CLCC1: variants seen among roughly 807,000 people sequenced by gnomAD.
CLCC1 encodes the protein chloride channel CLIC like 1, also known as chloride channel CLIC-like protein 1.
In CLCC1, 39 loss-of-function variants were observed where a neutral mutation model predicts 63.3. That is an observed-to-expected ratio of 0.62 (90% CI 0.48 to 0.81). CLCC1 has a LOEUF of 0.81. CLCC1 is among the 30% of genes least tolerant of loss of function. The probability of loss-of-function intolerance (pLI) is 0.00; values close to 1 mark genes in which losing one functional copy is unlikely to be tolerated. For synonymous variants in CLCC1, 217 were observed against 239.8 expected (o/e 0.90, Z 0.88); for missense variants, 549 against 669.4 (o/e 0.82, Z 1.98).
chr1:108,932,803 T>C (rs1453008315), intron 12 of CLCC1: 1 of 152,244 alleles, frequency 6.6e-6, no homozygotes, highest in African/African-American at 2.4e-5. Context: ...ACATGTCCTC[T>C]GTGTTAAAAA....
chr1:108,955,309 G>A (rs1399088237), intron 2 of CLCC1, among the ~76,000 whole-genome samples: 1 of 151,496 alleles, frequency 6.6e-6, no homozygotes, highest in Non-Finnish European at 1.5e-5. Flanking sequence ...GCAAGACAGT[G>A]GTACATATGG....
chr1:108,930,568 G>A lies in CLCC1; in HGVS notation c.*1979C>T, dbSNP rs779500884. ...AGGCTAGGAGTTCAAGACCAACCTG[G>A]GCAACATAGACCCCCGTGTCTATGA... On this transcript the variant is annotated 3_prime_UTR_variant, in exon 13 of 13. Transcript: ENST00000369969. 1 of 150,350 alleles carries A rather than the reference G, an allele frequency of 6.7e-6. No individual in the cohort carries two copies. Among genetic ancestry groups the A allele is most frequent in the Non-Finnish European group, 1.5e-5 (1 of 67,974 alleles). 9.3% of individuals were successfully genotyped at this position (150,350 alleles called of 1,614,324 possible).
chr1:108,952,836 C>A (rs1338312452), intron 2 of CLCC1, among the ~76,000 whole-genome samples: 1 of 151,442 alleles, frequency 6.6e-6, no homozygotes, highest in Admixed American at 6.6e-5. Context: ...TGGGAATTTA[C>A]GATTCAAATG....
intron 2 of CLCC1, among the ~76,000 whole-genome samples, chr1:108,960,468 A>T (rs1439109949): frequency 1.3e-5 from 2 of 152,240 alleles, no homozygotes; most frequent in Non-Finnish European, 2.9e-5. Context: ...ATGACCTTTC[A>T]GAGAATGACA....
At chr1:108,940,567 C>T (rs528646180) in intron 8 of CLCC1, among the ~76,000 whole-genome samples, 3 of 152,150 alleles carry the variant, frequency 2.0e-5, no homozygotes, top group East Asian at 1.9e-4. Context: ...AAAGGGTACA[C>T]GGGCTCTCTC....
chr1:108,963,457 C>T lies in CLCC1; in HGVS notation c.-269G>A, dbSNP rs1268867640. On this transcript the variant is annotated 5_prime_UTR_variant, in exon 1 of 13. Coordinates refer to ENST00000369969, the MANE Select transcript of CLCC1 (RefSeq NM_001377458.1). ...TGCCGCCGCCCAGGGTTTCAGCGTG[C>T]TTCCTGGGCCTCGTCATCGAATTGT... 1.4e-6 allele frequency: 1 copy of T among 702,208 alleles called. No individual in the cohort carries two copies. Among genetic ancestry groups the T allele is most frequent in the East Asian group, 2.7e-5 (1 of 37,268 alleles). 43.5% of individuals were successfully genotyped at this position (702,208 alleles called of 1,614,324 possible).
At chr1:108,948,960 T>C (rs1654870563) in intron 4 of CLCC1, among the ~76,000 whole-genome samples, 1 of 152,162 alleles carries the variant, frequency 6.6e-6, no homozygotes, top group Non-Finnish European at 1.5e-5. Context: ...CAGGTGGGTA[T>C]AGATCTTATT....
At chr1:108,956,021 A>G (rs954602241) in intron 2 of CLCC1, among the ~76,000 whole-genome samples, 1 of 151,370 alleles carries the variant, frequency 6.6e-6, no homozygotes, top group African/African-American at 2.5e-5. Context: ...CCCCTAATAA[A>G]TCCCCTCTCA....
At chr1:108,937,039 A>G in intron 11 of CLCC1, 38 bp downstream of exon 11, 1 of 1,390,302 alleles carries the variant, frequency 7.2e-7, no homozygotes, top group Non-Finnish European at 9.5e-7. Flanking sequence ...TAGAACCAGT[A>G]ATGAAGGGAC....
Position 108,937,089 on chromosome 1 carries a change from C to G in CLCC1, c.1371G>C (p.Thr457=). The stretch of plus-strand genomic sequence containing the variant: ...GTTGCTGACTTACACTGGGTACCAC[C>G]GTGGGATGCTCTCGTGCCTCTGCGT... ...VPDAEAREHP[T]VVPSHKSPVL... The change falls in exon 11 of 13, where the codon ACG becomes ACC. Residue 457 remains threonine (T), a synonymous_variant. Transcript: ENST00000369969. 6.6e-7 allele frequency: 1 copy of G among 1,510,190 alleles called. No individual in the cohort carries two copies. The highest frequency in any genetic ancestry group is 8.8e-7 in the Non-Finnish European group (1 of 1,130,584). The allele number at this position is 1,510,190 out of a possible 1,614,324, so 93.5% of individuals were successfully genotyped here.
At chr1:108,939,221 TATATTATATATAATAA>T (rs1653458398) in intron 10 of CLCC1, among the ~76,000 whole-genome samples, 1 of 145,542 alleles carries the variant, frequency 6.9e-6, no homozygotes. Flanking sequence ...TATATAAATA[TATATTATATATAATAA>T]ATATATAAAT....
intron 5 of CLCC1, among the ~76,000 whole-genome samples, chr1:108,946,254 G>T (rs1202669650): frequency 6.6e-6 from 1 of 150,602 alleles, no homozygotes; most frequent in Non-Finnish European, 1.5e-5. Context: ...AGCTTGCAGT[G>T]AGCGGAGATT....
At position 108,929,744 on chromosome 1, in the gene CLCC1, C is replaced by A. The variant is rs775626164; in HGVS notation, c.*2803G>T. On this transcript the variant is annotated 3_prime_UTR_variant, in exon 13 of 13. Coordinates refer to ENST00000369969, the MANE Select transcript of CLCC1 (RefSeq NM_001377458.1). ...CAAAGATGTGCTCCACCACCTGCTA[C>A]CACAAAGGGTCCGACAGTACCAGAT... 2 of 1,613,050 alleles carry A rather than the reference C, an allele frequency of 1.2e-6. No homozygotes were observed. Among genetic ancestry groups the A allele is most frequent in the Non-Finnish European group, 1.7e-6 (2 of 1,179,042 alleles).
intron 10 of CLCC1, among the ~76,000 whole-genome samples, chr1:108,938,421 CA>C (rs1268170670): frequency 6.6e-6 from 1 of 152,108 alleles, no homozygotes; most frequent in Non-Finnish European, 1.5e-5. Context: ...AAATACCCGT[CA>C]ACCACATAAT....
Position 108,941,446 on chromosome 1 carries a change from T to A in CLCC1, c.755A>T (p.Asn252Ile). 6.2e-7 allele frequency: 1 copy of A among 1,614,100 alleles called. No individual in the cohort carries two copies. Among genetic ancestry groups the A allele is most frequent in the South Asian group, 1.1e-5 (1 of 91,078 alleles). Residue 252 changes from asparagine (N) to isoleucine (I), a missense_variant, in exon 8 of 13, where the codon AAT becomes ATT. Physicochemically the swap from Asn to Ile is moderately radical, Grantham distance 149. Transcript: ENST00000369969. ...CCAGTCCATCTTTTTGGCACACACA[T>A]TGTTTAATGGCTCCATCTTGGCGAC... ...AEVAKMEPLN[N>I]VCAKKMDWTG...
chr1:108,940,095 A>G lies in CLCC1; in HGVS notation c.844T>C (p.Tyr282His). The change falls in exon 9 of 13, where the codon TAC (tyrosine) becomes CAC (histidine). Residue 282 changes from tyrosine (Y) to histidine (H), a missense_variant. Tyr to His is a moderately conservative substitution (Grantham distance 83, BLOSUM62 2). Transcript: ENST00000369969. ...GGGTTGACTAGTAAGAGCTCATAGT[A>G]TTTTTGGCATGGGTCATCCTTATAG... ...WTYKDDPCQKYYELLLVNPIW... is the reference protein window; with the variant it reads ...WTYKDDPCQKHYELLLVNPIW... The G allele has an allele frequency of 6.2e-7, 1 of 1,613,836 alleles. No homozygotes were observed.
chr1:108,934,443 T>G, intron 12 of CLCC1, 182 bp downstream of exon 12: 2 of 517,970 alleles, frequency 3.9e-6, no homozygotes, highest in Non-Finnish European at 6.7e-6. Flanking sequence ...TCTTACTTTA[T>G]GGGATGTAAA....
rs1230269506 is a variant in CLCC1 at position 108,931,243 on chromosome 1, A to AAATT, written c.*1300_*1303dup. 5.6e-6 allele frequency: 8 copies of AAATT among 1,421,054 alleles called. No individual in the cohort carries two copies. The African/African-American group carries it at 5.8e-5, about 10-fold the overall frequency. The allele number at this position is 1,421,054 out of a possible 1,614,324, so 88.0% of individuals were successfully genotyped here. ...ACAGAAAACAGATGAAAACTCACAAAAATTAAATATGAAAGAAAGATGTCA... is the reference window on the plus strand; with the variant it reads ...ACAGAAAACAGATGAAAACTCACAAAAATTAATTAAATATGAAAGAAAGATGTCA... On this transcript the variant is annotated 3_prime_UTR_variant, in exon 13 of 13. Transcript: ENST00000369969.
Position 108,944,180 on chromosome 1 carries a change from G to T in CLCC1, c.340-123C>A, listed in dbSNP as rs1654224580. On this transcript the variant is annotated intron_variant, in intron 5 of 12. Coordinates refer to ENST00000369969, the MANE Select transcript of CLCC1 (RefSeq NM_001377458.1). Reference sequence around the variant, plus strand: ...AGTTTGCAGTATTTCATATGTATAAGAATAATAGCCTGGGCAAGGTAGCTC... The same window carrying T: ...AGTTTGCAGTATTTCATATGTATAATAATAATAGCCTGGGCAAGGTAGCTC... 1.3e-5 allele frequency: 9 copies of T among 713,350 alleles called. 1 individual carries two copies. Among genetic ancestry groups the T allele is most frequent in the South Asian group, 1.2e-4 (6 of 50,072 alleles). 44.2% of individuals were successfully genotyped at this position (713,350 alleles called of 1,614,324 possible). A position where few individuals can be genotyped will look rare whatever the true frequency, so the allele number is the denominator to read the frequency against.
Sources: allele counts gnomAD v4.1 joint callset (sites outside exome capture counted in the v4.1 genomes callset), GRCh38; gene constraint gnomAD v4.1.1; transcripts MANE v1.5; gene names NCBI Gene and HGNC (gene_info 2026-07-23, HGNC 2026-07-21).